The following MARK4 variants were observed in gnomAD, a reference collection of about 807,000 sequenced individuals.
MARK4 encodes microtubule affinity regulating kinase 4.
A neutral mutation model predicts 81.5 loss-of-function variants in MARK4; 19 were observed. The ratio of observed to expected loss-of-function variants is 0.23; its 90% confidence interval spans 0.16 to 0.34. The LOEUF (loss-of-function observed/expected upper bound fraction) is 0.34. Among genes scored for constraint, MARK4 ranks in the 10% least tolerant of loss-of-function variants. The probability of loss-of-function intolerance (pLI) is 1.00; values close to 1 mark genes in which losing one functional copy is unlikely to be tolerated. For synonymous variants in MARK4, 436 were observed against 439.0 expected (o/e 0.99, Z 0.08); for missense variants, 772 against 1,058.8 (o/e 0.73, Z 3.76).
chr19:45,298,958 C>T (rs751198575), intron 15 of MARK4, among the ~76,000 whole-genome samples: 17 of 150,932 alleles, frequency 1.1e-4, no homozygotes, highest in Non-Finnish European at 1.8e-4. Flanking sequence ...CACCTGTATT[C>T]CCATGGAATT....
intron 10 of MARK4, among the ~76,000 whole-genome samples, chr19:45,278,931 A>C (rs568742849): frequency 6.6e-6 from 1 of 152,108 alleles, no homozygotes; most frequent in East Asian, 1.9e-4. Flanking sequence ...TTAAGACATA[A>C]AGAGAGACCA....
chr19:45,275,488 A>T (rs1599788798), intron 8 of MARK4, among the ~76,000 whole-genome samples: 1 of 82,514 alleles, frequency 1.2e-5, no homozygotes, highest in Non-Finnish European at 3.2e-5. Flanking sequence ...CTGTCTCTTT[A>T]AAAAAAAAAA....
rs201701378 is a variant in MARK4 at position 45,278,690 on chromosome 19, G to A, written c.1006+75G>A. 5.5e-5 allele frequency: 61 copies of A among 1,104,446 alleles called. No individual in the cohort carries two copies. The East Asian group carries it at 1.3e-3, about 23-fold the overall frequency. 68.4% of individuals were successfully genotyped at this position (1,104,446 alleles called of 1,614,324 possible). On this transcript the variant is annotated intron_variant, in intron 10 of 16. Transcript: ENST00000262891. ...GCAATCTCGGCTCACTGCAACCTCC[G>A]CCTCCCAGAATCAAGAGATTCTTGT...
At chr19:45,269,272 G>A (rs1303270074) in intron 7 of MARK4, among the ~76,000 whole-genome samples, 4 of 152,016 alleles carry the variant, frequency 2.6e-5, no homozygotes, top group Non-Finnish European at 2.9e-5. Flanking sequence ...CCAGGTACTC[G>A]GGAGGCTGAG....
At chr19:45,293,088 T>G in intron 13 of MARK4, among the ~76,000 whole-genome samples, 1 of 152,052 alleles carries the variant, frequency 6.6e-6, no homozygotes, top group Non-Finnish European at 1.5e-5. Flanking sequence ...GCCAGCATGG[T>G]GAAACCCCAT....
chr19:45,251,775 C>A, intron 1 of MARK4, 136 bp downstream of exon 1: 1 of 768,136 alleles, frequency 1.3e-6, no homozygotes, highest in Non-Finnish European at 2.0e-6. Context: ...CTCGACCCCT[C>A]CCGGACTTCC....
At position 45,271,454 on chromosome 19, in the gene MARK4, C is replaced by T. The variant is rs1038281546; in HGVS notation, c.550-18C>T. 6.2e-7 allele frequency: 1 copy of T among 1,611,970 alleles called. No homozygotes were observed. Among genetic ancestry groups the T allele is most frequent in the Non-Finnish European group, 8.5e-7 (1 of 1,178,486 alleles). ...GGCCTTGAGTCCCACTTTCCGCCCT[C>T]TCCTTCTCTCCCTGCAGGCTGAGAA... On this transcript the variant is annotated intron_variant, in intron 7 of 16. Coordinates refer to ENST00000262891, the MANE Select transcript of MARK4 (RefSeq NM_001199867.2). This position sits in a 1 kb window ranked among gnomAD's most constrained non-coding sequence, Gnocchi z 4.1.
At chr19:45,267,835 G>GT (rs148907985) in intron 7 of MARK4, among the ~76,000 whole-genome samples, 31,514 of 151,942 alleles carry the variant, frequency 0.21, 3,857 homozygotes, top group Non-Finnish European at 0.29. Context: ...TAATTTTTGA[G>GT]TTTTTTGTAG....
intron 7 of MARK4, among the ~76,000 whole-genome samples, chr19:45,266,939 A>G (rs1311116827): frequency 6.6e-6 from 1 of 151,274 alleles, no homozygotes; most frequent in East Asian, 2.0e-4. Context: ...TCACCGTGTT[A>G]GCCAGGATGG....
At position 45,302,569 on chromosome 19, in the gene MARK4, C is replaced by A. The variant is rs749449351; in HGVS notation, c.2118C>A (p.Pro706=). 1 of 1,563,810 alleles carries A rather than the reference C, an allele frequency of 6.4e-7. No homozygotes were observed. Among genetic ancestry groups the A allele is most frequent in the East Asian group, 2.4e-5 (1 of 41,914 alleles). ...LACLHGGAGG[P]EPLSHFEVEV... ...GCCTGCACGGGGGTGCGGGCGGGCC[C>A]GAGCCCCTGTCCCACTTCGAAGTGG... Residue 706 remains proline (P), a synonymous_variant, in exon 17 of 17, where the codon CCC becomes CCA. Coordinates refer to ENST00000262891, the MANE Select transcript of MARK4 (RefSeq NM_001199867.2). The surrounding 1 kb of genome is among the most constrained non-coding windows in gnomAD (Gnocchi z 4.9).
intron 4 of MARK4, among the ~76,000 whole-genome samples, chr19:45,264,418 T>C (rs1420465325): frequency 6.6e-6 from 1 of 151,540 alleles, no homozygotes; most frequent in African/African-American, 2.4e-5. Context: ...GGAGAATCGC[T>C]TGAACCTGGG....
At chr19:45,294,228 C>G (rs986729561) in intron 13 of MARK4, 121 bp from the exon 14 acceptor site, 1 of 863,808 alleles carries the variant, frequency 1.2e-6, no homozygotes, top group Non-Finnish European at 1.9e-6. Flanking sequence ...TCCTACTCAC[C>G]CTGGGTTCCC....
At chr19:45,285,471 A>G (rs1970730679) in intron 12 of MARK4, among the ~76,000 whole-genome samples, 1 of 152,042 alleles carries the variant, frequency 6.6e-6, no homozygotes, top group African/African-American at 2.4e-5. Flanking sequence ...GGGAGGAGAG[A>G]GGTGTCAGGG....
chr19:45,289,816 G>T (rs1415455800), intron 13 of MARK4, among the ~76,000 whole-genome samples: 1 of 151,918 alleles, frequency 6.6e-6, no homozygotes, highest in Non-Finnish European at 1.5e-5. Flanking sequence ...TAAGTTTTTA[G>T]TCAGACATGG....
At chr19:45,267,011 C>T (rs1599783295) in intron 7 of MARK4, among the ~76,000 whole-genome samples, 1 of 152,072 alleles carries the variant, frequency 6.6e-6, no homozygotes. Flanking sequence ...GGATTACAGG[C>T]ATGAGCCACG....
intron 7 of MARK4, among the ~76,000 whole-genome samples, chr19:45,270,123 C>T (rs34976535): frequency 0.21 from 31,898 of 152,054 alleles, 3,879 homozygotes; most frequent in Non-Finnish European, 0.29. Context: ...CTACCGCGCC[C>T]GGCCATGAAA....
intron 12 of MARK4, among the ~76,000 whole-genome samples, chr19:45,285,573 G>A (rs1421769695): frequency 4.6e-5 from 7 of 152,310 alleles, no homozygotes; most frequent in South Asian, 4.1e-4. Flanking sequence ...CTGCCCCTGC[G>A]TCTTGTCTTT....
At chr19:45,251,790 C>CGAGA (rs1224491297) in intron 1 of MARK4, 151 bp downstream of exon 1, 70 of 671,814 alleles carry the variant, frequency 1.0e-4, no homozygotes, top group Admixed American at 7.1e-4. Flanking sequence ...ACTTCCAGGC[C>CGAGA]TCTCCACCCT....
intron 11 of MARK4, 42 bp from the exon 12 acceptor site, chr19:45,280,533 G>A (rs752380183): frequency 3.1e-6 from 5 of 1,613,902 alleles, no homozygotes; most frequent in Admixed American, 3.3e-5. Flanking sequence ...TGGGTGGAGG[G>A]ACTTGGGGTG....
Sources: gnomAD v4.1 joint callset for allele counts (sites outside exome capture counted in the v4.1 genomes callset) on GRCh38, gnomAD v4.1.1 for gene constraint, Gnocchi (gnomAD v3.1) non-coding constraint, MANE v1.5 for transcripts, NCBI Gene and HGNC (gene_info 2026-07-23, HGNC 2026-07-21) for gene names.